NAV3: variants seen among roughly 807,000 people sequenced by gnomAD.
NAV3 encodes neuron navigator 3.
In NAV3, 87 loss-of-function variants were observed where a neutral mutation model predicts 244.7. That is an observed-to-expected ratio of 0.36 (90% CI 0.30 to 0.42). NAV3 has a LOEUF of 0.42. NAV3 is among the 20% of genes least tolerant of loss of function. The pLI, the probability that NAV3 is intolerant of heterozygous loss-of-function variation, is 1.00. For synonymous variants in NAV3, 1,126 were observed against 1,042.2 expected (o/e 1.08, Z -1.55); for missense variants, 2,663 against 2,893.3 (o/e 0.92, Z 1.83).
intron 2 of NAV3, among the ~76,000 whole-genome samples, chr12:77,750,477 C>T (rs986751761): frequency 5.3e-5 from 8 of 151,636 alleles, no homozygotes; most frequent in East Asian, 1.9e-4. Flanking sequence ...GTCTGCAGTG[C>T]GCTCTAATCA....
At position 77,854,593 on chromosome 12, in the gene NAV3, G is replaced by GTA. The variant is rs1237539131; in HGVS notation, c.243+22890_243+22891insAT. 3.3e-5 allele frequency among the ~76,000 whole-genome samples: 5 copies of GTA among 151,628 alleles called. 1 individual carries two copies. Among genetic ancestry groups the GTA allele is most frequent in the Admixed American group, 3.3e-4 (5 of 15,216 alleles). On this transcript the variant is annotated intron_variant, in intron 1 of 39. Coordinates refer to ENST00000397909, the MANE Select transcript of NAV3 (RefSeq NM_001024383.2). ...CAATTGTGTGTATGTGTGTATGTGTGTGTGTGTGTGTGTTTGTGTGTGTGT... is the reference window on the plus strand; with the variant it reads ...CAATTGTGTGTATGTGTGTATGTGTGTATGTGTGTGTGTGTTTGTGTGTGTGT...
At chr12:77,861,692 C>T (rs1475026151) in intron 1 of NAV3, among the ~76,000 whole-genome samples, 1 of 151,598 alleles carries the variant, frequency 6.6e-6, no homozygotes, top group East Asian at 1.9e-4. Context: ...ATTGTTGGGG[C>T]TGGGAAGGGG....
At chr12:77,750,399 G>A (rs1350662334) in intron 2 of NAV3, among the ~76,000 whole-genome samples, 1 of 152,028 alleles carries the variant, frequency 6.6e-6, no homozygotes, top group African/African-American at 2.4e-5. Context: ...ACCTCTGTTG[G>A]CTTGCACTTG....
At chr12:78,131,858 T>C (rs547491229) in intron 18 of NAV3, among the ~76,000 whole-genome samples, 2 of 152,362 alleles carry the variant, frequency 1.3e-5, no homozygotes, top group East Asian at 3.9e-4. Context: ...CTGGAAAGCA[T>C]GTCTTACACG....
intron 21 of NAV3, among the ~76,000 whole-genome samples, chr12:78,146,629 C>G (rs1052833487): frequency 1.3e-5 from 2 of 152,078 alleles, no homozygotes; most frequent in Non-Finnish European, 2.9e-5. Context: ...AGCTCAACAC[C>G]TAATAAGTTT....
intron 5 of NAV3, among the ~76,000 whole-genome samples, chr12:77,970,183 A>C (rs555240510): frequency 1.7e-4 from 26 of 152,256 alleles, no homozygotes; most frequent in African/African-American, 6.3e-4. Context: ...AATCCCTTTC[A>C]TCGTCTTTGA....
chr12:77,753,143 C>T (rs891828046), intron 2 of NAV3, among the ~76,000 whole-genome samples: 1 of 152,112 alleles, frequency 6.6e-6, no homozygotes, highest in Non-Finnish European at 1.5e-5. Flanking sequence ...AATTGTACAG[C>T]AAGAAACTGA....
At chr12:77,853,967 G>T (rs1256520913) in intron 1 of NAV3, among the ~76,000 whole-genome samples, 1 of 152,174 alleles carries the variant, frequency 6.6e-6, no homozygotes, top group African/African-American at 2.4e-5. Flanking sequence ...GAGGAACTCA[G>T]AATTGACTTT....
chr12:77,832,817 C>G (rs145095353), intron 1 of NAV3, among the ~76,000 whole-genome samples: 49 of 152,268 alleles, frequency 3.2e-4, no homozygotes, highest in African/African-American at 1.0e-3. Flanking sequence ...AACCATCATT[C>G]TACTCAGCAT....
At chr12:78,068,855 CATG>C (rs1435596999) in intron 12 of NAV3, among the ~76,000 whole-genome samples, 1 of 151,554 alleles carries the variant, frequency 6.6e-6, no homozygotes, top group Non-Finnish European at 1.5e-5. Context: ...TTTTATATTA[CATG>C]ATATTACTTT....
intron 22 of NAV3, among the ~76,000 whole-genome samples, chr12:78,152,588 T>C (rs1019673444): frequency 1.3e-5 from 2 of 151,964 alleles, no homozygotes; most frequent in African/African-American, 2.4e-5. Context: ...AATAATTTAG[T>C]TAATACTTGA....
chr12:77,990,800 T>A (rs76994930), intron 5 of NAV3, among the ~76,000 whole-genome samples: 5,552 of 152,212 alleles, frequency 0.036, 344 homozygotes, highest in African/African-American at 0.13. Flanking sequence ...CTATAGGTTT[T>A]CCCTTCATAA....
intron 12 of NAV3, among the ~76,000 whole-genome samples, chr12:78,097,542 A>G (rs995442186): frequency 6.6e-6 from 1 of 152,142 alleles, no homozygotes; most frequent in African/African-American, 2.4e-5. Flanking sequence ...AATGTTCCTC[A>G]CCAAGGCGAT....
At chr12:78,139,225 A>G (rs1956502523) in intron 19 of NAV3, among the ~76,000 whole-genome samples, 1 of 152,094 alleles carries the variant, frequency 6.6e-6, no homozygotes, top group Admixed American at 6.6e-5. Context: ...ACTCAGTTTT[A>G]AAAAGGTTCT....
intron 12 of NAV3, among the ~76,000 whole-genome samples, chr12:78,101,580 G>T (rs1183666263): frequency 6.6e-6 from 1 of 152,048 alleles, no homozygotes; most frequent in Non-Finnish European, 1.5e-5. Context: ...CTCTTTTAAT[G>T]ACTTGTGCTT....
At chr12:77,738,886 C>T (rs991617952) in intron 2 of NAV3, among the ~76,000 whole-genome samples, 1 of 152,010 alleles carries the variant, frequency 6.6e-6, no homozygotes, top group African/African-American at 2.4e-5. Flanking sequence ...GGGGCGGGCG[C>T]CTGTAGTCCC....
At position 78,119,775 on chromosome 12, in the gene NAV3, C is replaced by T. The variant is rs1408738612; in HGVS notation, c.3579C>T (p.Thr1193=). The change falls in exon 15 of 40, where the codon ACC becomes ACT. Residue 1193 remains threonine, a synonymous_variant. Transcript: ENST00000397909. ...KIGSGRSSPV[T]VNQTDKEKEK... is the part of the protein sequence containing the mutation. ...GGTCAGGGCGCTCGAGTCCTGTCAC[C>T]GTCAACCAAACAGACAAGGAAAAGG... 4 of 1,613,846 alleles carry T rather than the reference C, an allele frequency of 2.5e-6. No individual in the cohort carries two copies. The highest frequency in any genetic ancestry group is 1.7e-5 in the Admixed American group (1 of 59,964).
intron 2 of NAV3, among the ~76,000 whole-genome samples, chr12:77,810,614 C>A (rs904834032): frequency 3.9e-5 from 6 of 151,992 alleles, no homozygotes; most frequent in African/African-American, 1.2e-4. Context: ...CTTTGCAGAC[C>A]AAGGATTGAA....
intron 2 of NAV3, among the ~76,000 whole-genome samples, chr12:77,656,088 T>A (rs1013401240): frequency 1.3e-5 from 2 of 149,988 alleles, no homozygotes; most frequent in South Asian, 2.1e-4. Context: ...TAATGAGAGG[T>A]TCAAATTCAC....
Sources: gnomAD v4.1 joint callset for allele counts (sites outside exome capture counted in the v4.1 genomes callset) on GRCh38, gnomAD v4.1.1 for gene constraint, MANE v1.5 for transcripts, NCBI Gene and HGNC (gene_info 2026-07-23, HGNC 2026-07-21) for gene names.